FMNL3: variants seen among roughly 807,000 people sequenced by gnomAD.
FMNL3 encodes the protein formin-like protein 3.
Under a neutral mutation model 119.6 loss-of-function variants are expected in FMNL3, and 57 were observed. That is an observed-to-expected ratio of 0.48 (90% CI 0.39 to 0.59). The LOEUF is 0.59. Ranked by LOEUF, FMNL3 falls within the 20% of genes least tolerant of loss-of-function variation. The pLI is 0.00. For synonymous variants in FMNL3, 491 were observed against 507.3 expected (o/e 0.97, Z 0.43); for missense variants, 1,053 against 1,323.5 (o/e 0.80, Z 3.17).
At chr12:49,664,669 A>G (rs943865365) in intron 4 of FMNL3, among the ~76,000 whole-genome samples, 1 of 152,188 alleles carries the variant, frequency 6.6e-6, no homozygotes, top group South Asian at 2.1e-4. Context: ...TCTGATTCAC[A>G]GATGAGGTAC....
chr12:49,658,635 T>A (rs1015948387), intron 5 of FMNL3, 41 bp from the exon 6 acceptor site: 5 of 1,538,956 alleles, frequency 3.2e-6, no homozygotes, highest in Non-Finnish European at 3.5e-6. Context: ...CACAGGCACA[T>A]ACACAGGAGA....
At chr12:49,686,352 C>T (rs1252264361) in intron 1 of FMNL3, among the ~76,000 whole-genome samples, 1 of 151,652 alleles carries the variant, frequency 6.6e-6, no homozygotes, top group African/African-American at 2.4e-5. Context: ...GAGGCCGACG[C>T]AGGCGGATCA....
intron 4 of FMNL3, among the ~76,000 whole-genome samples, chr12:49,664,195 A>T (rs1468109891): frequency 1.3e-5 from 2 of 152,236 alleles, no homozygotes; most frequent in Non-Finnish European, 2.9e-5. Context: ...CAGTGAGCCA[A>T]GATGGCGCCT....
In FMNL3 at chr12:49,658,470, C is replaced by T. The variant is rs1476776691; in HGVS notation, c.577G>A (p.Ala193Thr). 9 of 1,611,106 alleles carry T rather than the reference C, an allele frequency of 5.6e-6. No individual in the cohort carries two copies. The highest frequency in any genetic ancestry group is 1.7e-5 in the Admixed American group (1 of 59,710). Reference protein sequence around the residue: ...ALSAPFTNSLARSARQSVLRY... With the variant: ...ALSAPFTNSLTRSARQSVLRY... ...AGCACAGACTGGCGCGCAGAGCGAG[C>T]GAGGCTGTTGGTGAAGGGGGCCGAC... Residue 193 changes from alanine to threonine, a missense_variant, in exon 6 of 26, where the codon GCT (alanine) becomes ACT (threonine). Ala to Thr is a moderately conservative substitution (Grantham distance 58, BLOSUM62 0). This residue lies in a region of FMNL3 where 264 missense variants were observed against 265.5 expected (regional missense o/e 0.99). Transcript: ENST00000335154.
chr12:49,674,750 C>G (rs1944138219), intron 1 of FMNL3, among the ~76,000 whole-genome samples: 1 of 152,222 alleles, frequency 6.6e-6, no homozygotes, highest in African/African-American at 2.4e-5. Flanking sequence ...CTCTCACAGG[C>G]TCGGAACCAT....
In FMNL3 at chr12:49,674,304, G is replaced by A. The variant is rs1277505225; in HGVS notation, c.127-5750C>T. On this transcript the variant is annotated intron_variant, in intron 1 of 25. Coordinates refer to ENST00000335154, the MANE Select transcript of FMNL3 (RefSeq NM_175736.5). ...ATCACAGAACAGTCAATAACACTTGGCCAGAAGGACAGGCAACCCCCTGCC... is the reference window on the plus strand; with the variant it reads ...ATCACAGAACAGTCAATAACACTTGACCAGAAGGACAGGCAACCCCCTGCC... 3.3e-5 allele frequency among the ~76,000 whole-genome samples: 5 copies of A among 152,320 alleles called. No homozygotes were observed. In the East Asian group the frequency reaches 9.6e-4, roughly 29 times the overall value.
chr12:49,670,215 C>T (rs1944007640), intron 1 of FMNL3, among the ~76,000 whole-genome samples: 1 of 152,246 alleles, frequency 6.6e-6, no homozygotes, highest in Admixed American at 6.5e-5. Context: ...CACATAGGCC[C>T]TGCATTATTC....
intron 9 of FMNL3, 113 bp from the exon 10 acceptor site, chr12:49,655,097 C>A: frequency 1.1e-6 from 1 of 929,248 alleles, no homozygotes. Flanking sequence ...CAAGCTTAAC[C>A]ACAGCTCTAT....
rs772393034 is a variant in FMNL3, at chr12:49,642,537, T to G, written c.*3278A>C. On this transcript the variant is annotated 3_prime_UTR_variant, in exon 26 of 26. Coordinates refer to ENST00000335154, the MANE Select transcript of FMNL3 (RefSeq NM_175736.5). The surrounding 1 kb of genome is among the most constrained non-coding windows in gnomAD (Gnocchi z 5.8). Reference sequence around the variant, plus strand: ...GCTCATGGCGGTGTCCAGGCCAGGCTGAGTGGGGCCTAGTCTGATCAGCAG... The same window carrying G: ...GCTCATGGCGGTGTCCAGGCCAGGCGGAGTGGGGCCTAGTCTGATCAGCAG... The G allele has an allele frequency of 6.2e-7, 1 of 1,607,732 alleles. No individual in the cohort carries two copies. The highest frequency in any genetic ancestry group is 8.5e-7 in the Non-Finnish European group (1 of 1,174,484).
Position 49,653,251 on chromosome 12 carries a change from C to T in FMNL3, c.1298G>A (p.Arg433Gln), listed in dbSNP as rs768626175. 2.2e-5 allele frequency: 35 copies of T among 1,613,970 alleles called. No homozygotes were observed. Among genetic ancestry groups the T allele is most frequent in the African/African-American group, 9.3e-5 (7 of 74,886 alleles). ...CTTGATGCTCTCTAGTTCCTTCTCC[C>T]GCTGTAGCAGCTGCTTCTCTAGTTC... ...VAELEKQLLQREKELESIKET... is the reference protein window; with the variant it reads ...VAELEKQLLQQEKELESIKET... Residue 433 changes from arginine to glutamine, a missense_variant, in exon 13 of 26, where the codon CGG (arginine) becomes CAG (glutamine). Coordinates refer to ENST00000335154, the MANE Select transcript of FMNL3 (RefSeq NM_175736.5).
intron 25 of FMNL3, chr12:49,646,554 C>T: frequency 9.2e-7 from 1 of 1,083,428 alleles, no homozygotes; most frequent in East Asian, 2.6e-5. Flanking sequence ...GATTGCAAGT[C>T]ATGCAGGAAA....
At chr12:49,683,276 A>C (rs547522687) in intron 1 of FMNL3, among the ~76,000 whole-genome samples, 65 of 152,286 alleles carry the variant, frequency 4.3e-4, no homozygotes, top group Non-Finnish European at 6.5e-4. Flanking sequence ...TTCAGCTTTA[A>C]ATACTCAACC....
Position 49,658,495 on chromosome 12 carries a change from C to G in FMNL3, c.552G>C (p.Leu184=), listed in dbSNP as rs767748352. 3.7e-6 allele frequency: 6 copies of G among 1,613,496 alleles called. No individual in the cohort carries two copies. Among genetic ancestry groups the G allele is most frequent in the Non-Finnish European group, 5.1e-6 (6 of 1,179,582 alleles). Residue 184 remains leucine (L), a synonymous_variant, in exon 6 of 26, where the codon CTG becomes CTC. Transcript: ENST00000335154. ...SIEDLQPPSA[L]SAPFTNSLAR... is the part of the protein sequence containing the mutation. ...CGAGGCTGTTGGTGAAGGGGGCCGA[C>G]AGGGCGCTGGGTGGCTGCAGGTCCT...
intron 9 of FMNL3, among the ~76,000 whole-genome samples, chr12:49,656,112 A>G (rs1457865128): frequency 1.3e-5 from 2 of 152,122 alleles, no homozygotes; most frequent in African/African-American, 4.8e-5. Context: ...TGTACTTTTA[A>G]CAAGCTCCTT....
At chr12:49,652,525 G>A (rs532526520) in intron 13 of FMNL3, among the ~76,000 whole-genome samples, 5 of 152,118 alleles carry the variant, frequency 3.3e-5, no homozygotes, top group African/African-American at 2.4e-5. Flanking sequence ...ATCTACCACC[G>A]GTCTGACATA....
chr12:49,638,133 G>A lies in FMNL3; in HGVS notation c.*7682C>T, dbSNP rs1942098063. 1 of 346,178 alleles carries A rather than the reference G, an allele frequency of 2.9e-6. No homozygotes were observed. Among genetic ancestry groups the A allele is most frequent in the East Asian group, 6.4e-5 (1 of 15,672 alleles). The allele number at this position is 346,178 out of a possible 1,614,324, so 21.4% of individuals were successfully genotyped here. On this transcript the variant is annotated 3_prime_UTR_variant, in exon 26 of 26. Transcript: ENST00000335154. ...AGAAATTTGTAGGTGGAAGAGGTTG[G>A]AGTGTACACGGGGTACTAAGAGCAA...
chr12:49,649,151 T>C lies in FMNL3; in HGVS notation c.2393A>G (p.Asp798Gly), dbSNP rs1943310689. 7 of 1,613,028 alleles carry C rather than the reference T, an allele frequency of 4.3e-6. No individual in the cohort carries two copies. The South Asian group carries it at 7.7e-5, about 18-fold the overall frequency. The part of the protein sequence containing the change: ...FKLQSLDLLL[D>G]TKSTDRKMTL... ...CATCTTCCGGTCAGTGGACTTGGTA[T>C]CCAGCAGCTAGGAGAGGGGGTGAGG... The change falls in exon 21 of 26, where the codon GAT becomes GGT. Residue 798 changes from aspartate to glycine, a missense_variant. This residue lies in a region of FMNL3 where 324 missense variants were observed against 380.9 expected (regional missense o/e 0.85). Coordinates refer to ENST00000335154, the MANE Select transcript of FMNL3 (RefSeq NM_175736.5). The surrounding 1 kb of genome is among the most constrained non-coding windows in gnomAD (Gnocchi z 5.6).
chr12:49,700,224 C>T (rs1944865198), intron 1 of FMNL3, among the ~76,000 whole-genome samples: 1 of 151,536 alleles, frequency 6.6e-6, no homozygotes, highest in Non-Finnish European at 1.5e-5. Context: ...AACCCCATCT[C>T]TACTAAAAAC....
Position 49,643,867 on chromosome 12 carries a change from C to T in FMNL3, c.*1948G>A. The T allele has an allele frequency of 6.2e-7, 1 of 1,614,142 alleles. No individual in the cohort carries two copies. ...GGGCTCTGGACTCTTACAGAATAGTCCTGAGAGTGAGACAGACCCTGAGGA... is the reference window on the plus strand; with the variant it reads ...GGGCTCTGGACTCTTACAGAATAGTTCTGAGAGTGAGACAGACCCTGAGGA... On this transcript the variant is annotated 3_prime_UTR_variant, in exon 26 of 26. Coordinates refer to ENST00000335154, the MANE Select transcript of FMNL3 (RefSeq NM_175736.5).
Sources: allele counts gnomAD v4.1 joint callset (sites outside exome capture counted in the v4.1 genomes callset), GRCh38; gene constraint gnomAD v4.1.1; regional missense constraint gnomAD v4.1.1; non-coding constraint Gnocchi (gnomAD v3.1); transcripts MANE v1.5; gene names NCBI Gene and HGNC (gene_info 2026-07-23, HGNC 2026-07-21).